Variants in CFH observed in about 807,000 individuals in gnomAD.
CFH encodes H factor 1 (complement).
In CFH, 53 loss-of-function variants were observed where a neutral mutation model predicts 147.3. The ratio of observed to expected loss-of-function variants is 0.36; its 90% CI spans 0.29 to 0.45. The LOEUF (loss-of-function observed/expected upper bound fraction) is 0.45. Among genes scored for constraint, CFH ranks in the 20% least tolerant of loss-of-function variants. The probability of loss-of-function intolerance (pLI) is 1.00; values close to 1 mark genes in which losing one functional copy is unlikely to be tolerated. For synonymous variants in CFH, 536 were observed against 489.4 expected (o/e 1.10, Z -1.26); for missense variants, 1,380 against 1,498.0 (o/e 0.92, Z 1.30).
intron 9 of CFH, among the ~76,000 whole-genome samples, chr1:196,702,851 T>C (rs368465): frequency 0.69 from 104,342 of 151,152 alleles, 36,682 homozygotes; most frequent in East Asian, 0.95. Context: ...AGCAAAGGAG[T>C]CTCAGTAAGG....
intron 15 of CFH, among the ~76,000 whole-genome samples, chr1:196,731,757 G>C (rs1243055106): frequency 6.6e-6 from 1 of 151,664 alleles, no homozygotes; most frequent in Non-Finnish European, 1.5e-5. Flanking sequence ...ACAGAATAGT[G>C]GAATCTAGAA....
intron 6 of CFH, among the ~76,000 whole-genome samples, chr1:196,681,658 C>A (rs1667663141): frequency 6.6e-6 from 1 of 151,750 alleles, no homozygotes; most frequent in East Asian, 1.9e-4. Flanking sequence ...ATTGGGTACT[C>A]CTTTTCAGAA....
chr1:196,683,723 C>G (rs1464615842), intron 6 of CFH, among the ~76,000 whole-genome samples: 3 of 151,764 alleles, frequency 2.0e-5, no homozygotes, highest in Non-Finnish European at 2.9e-5. Flanking sequence ...AAACTAAAGA[C>G]TTAAATCAGT....
intron 17 of CFH, among the ~76,000 whole-genome samples, chr1:196,738,784 T>C (rs532218192): frequency 8.5e-5 from 13 of 152,348 alleles, no homozygotes; most frequent in African/African-American, 3.1e-4. Flanking sequence ...ATTGTGGTCC[T>C]GTTCTCACAG....
chr1:196,704,220 G>T (rs979094086), intron 9 of CFH, among the ~76,000 whole-genome samples: 1 of 151,844 alleles, frequency 6.6e-6, no homozygotes, highest in Non-Finnish European at 1.5e-5. Flanking sequence ...TCAGCCTCCC[G>T]AGTAGCTGGG....
intron 1 of CFH, among the ~76,000 whole-genome samples, chr1:196,658,670 C>T (rs1481444983): frequency 3.3e-5 from 5 of 151,990 alleles, no homozygotes; most frequent in Middle Eastern, 3.4e-3. Context: ...GGTGATCTGC[C>T]GGCCTTGGCC....
chr1:196,674,872 A>G (rs1042406212), intron 3 of CFH, among the ~76,000 whole-genome samples: 1 of 152,172 alleles, frequency 6.6e-6, no homozygotes, highest in Non-Finnish European at 1.5e-5. Flanking sequence ...GATTGGCAGG[A>G]AAAATAAATA....
In CFH at chr1:196,699,415, A is replaced by C. The variant is rs552739003; in HGVS notation, c.1336+9176A>C. Among the ~76,000 whole-genome samples, 17 of 152,332 alleles carry C rather than the reference A, an allele frequency of 1.1e-4. 1 individual carries two copies. In the East Asian group the frequency reaches 3.3e-3, roughly 29 times the overall value. ...TCTTCCATTACGGAATTTTGAGACT[A>C]CATGATATATTGTGGCTACAAGCCC... On this transcript the variant is annotated intron_variant, in intron 9 of 21. Coordinates refer to ENST00000367429, the MANE Select transcript of CFH (RefSeq NM_000186.4).
intron 1 of CFH, among the ~76,000 whole-genome samples, chr1:196,656,456 T>C (rs1331781204): frequency 6.6e-6 from 1 of 152,148 alleles, no homozygotes; most frequent in Non-Finnish European, 1.5e-5. Context: ...CCTGGGTTCT[T>C]GCAACAGAGT....
intron 9 of CFH, among the ~76,000 whole-genome samples, chr1:196,692,763 TTTC>T: frequency 2.4e-5 from 1 of 42,012 alleles, no homozygotes; most frequent in Non-Finnish European, 4.4e-5. Context: ...TCTTTCTTTC[TTTC>T]TTTCTTTCTT....
Position 196,740,825 on chromosome 1 carries a change from T to C in CFH, c.2956+33T>C, listed in dbSNP as rs764880152. ...GCATTGAATTTTATTATATGTATGATAAATATTCTTCATTCAAAGTGTAAG... is the reference window on the plus strand; with the variant it reads ...GCATTGAATTTTATTATATGTATGACAAATATTCTTCATTCAAAGTGTAAG... On this transcript the variant is annotated intron_variant, in intron 18 of 21. Transcript: ENST00000367429. The C allele has an allele frequency of 1.1e-5, 18 of 1,594,270 alleles. No homozygotes were observed. In the African/African-American group the frequency reaches 1.7e-4, roughly 15 times the overall value.
intron 9 of CFH, 131 bp downstream of exon 9, chr1:196,690,370 GT>G: frequency 7.4e-7 from 1 of 1,353,258 alleles, no homozygotes; most frequent in Non-Finnish European, 1.1e-6. Context: ...GACCTATTTA[GT>G]TTTTGGTTTT....
rs568189358 is a variant in CFH at position 196,708,473 on chromosome 1, C to T, written c.1337-5262C>T. Among the ~76,000 whole-genome samples the T allele has an allele frequency of 4.6e-5, 7 of 152,196 alleles. No homozygotes were observed. The East Asian group carries it at 7.7e-4, about 17-fold the overall frequency. On this transcript the variant is annotated intron_variant, in intron 9 of 21. Transcript: ENST00000367429. Reference sequence around the variant, plus strand: ...GCCCATGGCATACTGGGCAGACAAACGCAGCTAGGAGAAGGGAAATAAAAC... The same window carrying T: ...GCCCATGGCATACTGGGCAGACAAATGCAGCTAGGAGAAGGGAAATAAAAC...
At chr1:196,653,849 T>C (rs1666587960) in intron 1 of CFH, among the ~76,000 whole-genome samples, 2 of 152,110 alleles carry the variant, frequency 1.3e-5, no homozygotes, top group South Asian at 4.1e-4. Flanking sequence ...AATCTGATTA[T>C]TTCCTAAAAG....
rs71131720 is a variant in CFH, at chr1:196,692,901, C to CCCTTCCTTCCTT, written c.1336+2684_1336+2695dup. Reference sequence around the variant, plus strand: ...CACCTCCCTCCCTCCCTCCCTCCCTCCCTTCCTTCCTTCCTTCCTTCCTTC... The same window carrying CCCTTCCTTCCTT: ...CACCTCCCTCCCTCCCTCCCTCCCTCCCTTCCTTCCTTCCTTCCTTCCTTCCTTCCTTCCTTC... On this transcript the variant is annotated intron_variant, in intron 9 of 21. Transcript: ENST00000367429. 2.7e-4 allele frequency among the ~76,000 whole-genome samples: 19 copies of CCCTTCCTTCCTT among 70,722 alleles called. 1 individual carries two copies. Among genetic ancestry groups the CCCTTCCTTCCTT allele is most frequent in the South Asian group, 5.0e-4 (1 of 2,002 alleles). The allele number at this position is 70,722 out of a possible 152,430, so 46.4% of individuals were successfully genotyped here. A position where few individuals can be genotyped will look rare whatever the true frequency, so the allele number is the denominator to read the frequency against.
At chr1:196,655,061 C>A (rs1456790078) in intron 1 of CFH, among the ~76,000 whole-genome samples, 2 of 151,918 alleles carry the variant, frequency 1.3e-5, no homozygotes, top group Admixed American at 6.6e-5. Flanking sequence ...TAATTTCAAC[C>A]AATCTGTCAT....
intron 1 of CFH, among the ~76,000 whole-genome samples, chr1:196,671,230 AG>A (rs1667265953): frequency 1.3e-5 from 2 of 152,132 alleles, no homozygotes; most frequent in Admixed American, 1.3e-4. Flanking sequence ...TTCCTAAAAT[AG>A]CTGTTATAAA....
At chr1:196,653,475 T>G (rs1317744173) in intron 1 of CFH, among the ~76,000 whole-genome samples, 1 of 151,968 alleles carries the variant, frequency 6.6e-6, no homozygotes, top group Admixed American at 6.6e-5. Flanking sequence ...TCTTACTAAA[T>G]TTATGGGAAT....
intron 5 of CFH, 94 bp downstream of exon 5, chr1:196,677,761 A>C (rs1667509066): frequency 3.4e-6 from 4 of 1,178,372 alleles, no homozygotes; most frequent in Non-Finnish European, 5.1e-6. Context: ...AGCAATATTA[A>C]CAATAGCTAA....
Sources: gnomAD v4.1 joint callset for allele counts (sites outside exome capture counted in the v4.1 genomes callset) on GRCh38, gnomAD v4.1.1 for gene constraint, MANE v1.5 for transcripts, NCBI Gene and HGNC (gene_info 2026-07-23, HGNC 2026-07-21) for gene names.